The following NABP2 variants were observed in gnomAD, a reference collection of about 807,000 sequenced individuals.
NABP2 encodes SOSS complex subunit B1.
Under a neutral mutation model 22.7 loss-of-function variants are expected in NABP2, and 7 were observed. That is an observed-to-expected ratio of 0.31 (90% CI 0.18 to 0.58). NABP2 has a LOEUF of 0.58. NABP2 is among the 20% of genes least tolerant of loss of function. The pLI, the probability that NABP2 is intolerant of heterozygous loss-of-function variation, is 0.89. For synonymous variants in NABP2, 107 were observed against 99.2 expected, an observed-to-expected ratio of 1.08 and a Z score of -0.47; for missense variants, 188 against 265.9, an observed-to-expected ratio of 0.71 and a Z score of 2.04.
upstream of NABP2, chr12:56,224,275 C>T (rs1432337045): frequency 7.3e-6 from 7 of 961,578 alleles, no homozygotes; most frequent in South Asian, 4.8e-5. Context: ...CGGCGGGACG[C>T]AGGGCGCGCC....
chr12:56,226,848 T>C (rs1268992285), intron 6 of NABP2, among the ~76,000 whole-genome samples: 1 of 150,592 alleles, frequency 6.6e-6, no homozygotes, highest in Admixed American at 6.6e-5. Context: ...CTCGGCCTCC[T>C]GAGTAGCTGG....
rs1344552493 is a variant in NABP2 at position 56,224,355 on chromosome 12, C to T, written c.-110C>T. On this transcript the variant is annotated 5_prime_UTR_variant, in exon 1 of 7. Coordinates refer to ENST00000267023, the MANE Select transcript of NABP2 (RefSeq NM_024068.4). ...CCGGGAATGTCCGCACTCCCGCGTT[C>T]CACGGGGCAGCATCCGGCGGCAGCG... 2.0e-6 allele frequency: 2 copies of T among 988,266 alleles called. No homozygotes were observed. Among genetic ancestry groups the T allele is most frequent in the Non-Finnish European group, 2.4e-6 (2 of 831,144 alleles). 61.2% of individuals were successfully genotyped at this position (988,266 alleles called of 1,614,324 possible).
Position 56,229,027 on chromosome 12 carries a change from G to C in NABP2, c.450G>C (p.Gln150His), listed in dbSNP as rs752075678. ...PSAASPASEN[Q>H]NGNGLSAPPG... ...TCCCACAATTAGCCTCTGAGAACCA[G>C]AATGGGAATGGACTGAGTGCCCCAC... Residue 150 changes from glutamine to histidine, a missense_variant, in exon 7 of 7, where the codon CAG becomes CAC. Coordinates refer to ENST00000267023, the MANE Select transcript of NABP2 (RefSeq NM_024068.4). 49 of 1,612,908 alleles carry C rather than the reference G, an allele frequency of 3.0e-5. No homozygotes were observed. Among genetic ancestry groups the C allele is most frequent in the Non-Finnish European group, 4.2e-5 (49 of 1,179,622 alleles).
chr12:56,226,471 C>G (rs774379366), intron 6 of NABP2, 52 bp downstream of exon 6: 12 of 1,517,810 alleles, frequency 7.9e-6, no homozygotes, highest in Middle Eastern at 2.3e-4. Context: ...CCACTCTCCT[C>G]AGCCTAGAAA....
In NABP2 at chr12:56,226,162, A is replaced by G. The variant is rs1213973515; in HGVS notation, c.291-17A>G. 2 of 1,612,960 alleles carry G rather than the reference A, an allele frequency of 1.2e-6. No individual in the cohort carries two copies. Among genetic ancestry groups the G allele is most frequent in the South Asian group, 2.2e-5 (2 of 91,046 alleles). ...AGAGGATGAATTCAAGGCTTTAGCTACTTTCTTCCCTTGCAGATTCTGTAT... is the reference window on the plus strand; with the variant it reads ...AGAGGATGAATTCAAGGCTTTAGCTGCTTTCTTCCCTTGCAGATTCTGTAT... On this transcript the variant is annotated splice_polypyrimidine_tract_variant and intron_variant, in intron 4 of 6. Coordinates refer to ENST00000267023, the MANE Select transcript of NABP2 (RefSeq NM_024068.4).
At position 56,229,087 on chromosome 12, in the gene NABP2, T is replaced by TTGGGCCCCCCCC; in HGVS notation, c.510_511insTGGGCCCCCCCC (p.Thr170_Pro171insTrpAlaProPro). 1 of 1,512,346 alleles carries TTGGGCCCCCCCC rather than the reference T, an allele frequency of 6.6e-7. No homozygotes were observed. Among genetic ancestry groups the TTGGGCCCCCCCC allele is most frequent in the Non-Finnish European group, 9.1e-7 (1 of 1,102,014 alleles). 93.7% of individuals were successfully genotyped at this position (1,512,346 alleles called of 1,614,324 possible). On this transcript the variant is annotated inframe_insertion, in exon 7 of 7. Coordinates refer to ENST00000267023, the MANE Select transcript of NABP2 (RefSeq NM_024068.4). ...GTGGTGGCCCACATCCCCCTCATAC[T>TTGGGCCCCCCCC]CCCTCCCACCCACCCAGCACCCGAA...
upstream of NABP2, among the ~76,000 whole-genome samples, chr12:56,224,158 A>G (rs1227845287): frequency 6.6e-6 from 1 of 152,116 alleles, no homozygotes; most frequent in Non-Finnish European, 1.5e-5. Context: ...CTAGTGGTGG[A>G]TTTTTCCCCC....
chr12:56,226,464 C>T (rs1301350560), intron 6 of NABP2, 45 bp downstream of exon 6: 5 of 1,534,862 alleles, frequency 3.3e-6, no homozygotes, highest in Non-Finnish European at 3.6e-6. Flanking sequence ...AGCTCTCCCA[C>T]TCTCCTCAGC....
chr12:56,224,709 T>G, intron 1 of NABP2, 125 bp from the exon 2 acceptor site: 1 of 934,704 alleles, frequency 1.1e-6, no homozygotes, highest in Non-Finnish European at 1.6e-6. Flanking sequence ...TTTTTAATCT[T>G]TTAGAAGGGT....
chr12:56,228,577 G>A (rs1372709031), intron 6 of NABP2, among the ~76,000 whole-genome samples: 3 of 151,824 alleles, frequency 2.0e-5, no homozygotes, highest in South Asian at 2.1e-4. Flanking sequence ...TAGTAGAGAC[G>A]GGGTTTCACT....
chr12:56,227,433 C>T (rs941776076), intron 6 of NABP2, among the ~76,000 whole-genome samples: 2 of 151,808 alleles, frequency 1.3e-5, no homozygotes, highest in African/African-American at 4.8e-5. Context: ...GGTTCATAGT[C>T]CCTACTGTAT....
chr12:56,225,067 C>G, intron 2 of NABP2, 132 bp downstream of exon 2: 1 of 727,588 alleles, frequency 1.4e-6, no homozygotes. Flanking sequence ...CCAATCTCTT[C>G]GACCCTGGGA....
At chr12:56,223,245 G>T (rs1255600179), upstream of NABP2, among the ~76,000 whole-genome samples, 1 of 152,040 alleles carries the variant, frequency 6.6e-6, no homozygotes, top group Non-Finnish European at 1.5e-5. Context: ...CTTTGCCGGG[G>T]TGGAGCGGTG....
chr12:56,223,158 C>T (rs1054935798), upstream of NABP2, among the ~76,000 whole-genome samples: 1 of 152,160 alleles, frequency 6.6e-6, no homozygotes, highest in African/African-American at 2.4e-5. Flanking sequence ...ATCGCTTGAA[C>T]CCGGGAGGCA....
chr12:56,226,100 C>G (rs1293065912), intron 4 of NABP2, 79 bp from the exon 5 acceptor site: 2 of 1,330,356 alleles, frequency 1.5e-6, no homozygotes, highest in African/African-American at 2.9e-5. Flanking sequence ...CCACACCGAA[C>G]CTATCTGGAC....
chr12:56,225,019 TGGGG>T, intron 2 of NABP2, 84 bp downstream of exon 2: 1 of 1,076,506 alleles, frequency 9.3e-7, no homozygotes, highest in Non-Finnish European at 1.4e-6. Context: ...TAACTTGCTA[TGGGG>T]ATGGCAAGGC....
Position 56,226,280 on chromosome 12 carries a change from T to G in NABP2, c.372+20T>G. 1.9e-6 allele frequency: 3 copies of G among 1,613,996 alleles called. No individual in the cohort carries two copies. The highest frequency in any genetic ancestry group is 2.5e-6 in the Non-Finnish European group (3 of 1,179,928). On this transcript the variant is annotated intron_variant, in intron 5 of 6. Transcript: ENST00000267023. ...AAGGCGGTGAGTCCTGTGGCCACAA[T>G]GGTGGGAAAGGAGGGCAGATCAAGA... is the stretch of plus-strand genomic sequence containing the variant.
At chr12:56,222,277 G>C (rs995013377), upstream of NABP2, 1 of 152,232 alleles carries the variant, frequency 6.6e-6, no homozygotes, top group Admixed American at 6.5e-5. Flanking sequence ...GACCTGCTGC[G>C]GGTCCGGCCC....
At chr12:56,227,930 C>T (rs1004089163) in intron 6 of NABP2, among the ~76,000 whole-genome samples, 2 of 152,160 alleles carry the variant, frequency 1.3e-5, no homozygotes, top group African/African-American at 2.4e-5. Context: ...CAGTGGCTCG[C>T]GCCTGTAATC....
Sources: gnomAD v4.1 joint callset for allele counts (sites outside exome capture counted in the v4.1 genomes callset) on GRCh38, gnomAD v4.1.1 for gene constraint, MANE v1.5 for transcripts, NCBI Gene and HGNC (gene_info 2026-07-23, HGNC 2026-07-21) for gene names.